The following PLXNA1 variants were observed in gnomAD, a reference collection of about 807,000 sequenced individuals.
PLXNA1 encodes plexin-A1.
Under a neutral mutation model 191.7 loss-of-function variants are expected in PLXNA1, and 77 were observed. The ratio of observed to expected loss-of-function variants is 0.40; its 90% CI spans 0.33 to 0.49. PLXNA1 has a LOEUF of 0.49. Among genes scored for constraint, PLXNA1 ranks in the 20% least tolerant of loss-of-function variants. The probability of loss-of-function intolerance (pLI) is 0.63; values close to 1 mark genes in which losing one functional copy is unlikely to be tolerated. For missense variants in PLXNA1, 2,110 were observed against 2,660.2 expected (o/e 0.79, Z 4.55); for synonymous variants, 1,137 against 1,156.4 (o/e 0.98, Z 0.34).
Position 127,033,678 on chromosome 3 carries a change from G to C in PLXNA1, c.5596-244G>C, listed in dbSNP as rs570371920. On this transcript the variant is annotated intron_variant, in intron 31 of 31. Coordinates refer to ENST00000393409, the MANE Select transcript of PLXNA1 (RefSeq NM_032242.4). ...AGGACTGGGTGGGGACATGTCAGCAGCATGGCCAGGCAGCCAAGGGATCAG... is the reference window on the plus strand; with the variant it reads ...AGGACTGGGTGGGGACATGTCAGCACCATGGCCAGGCAGCCAAGGGATCAG... 2.6e-5 allele frequency among the ~76,000 whole-genome samples: 4 copies of C among 152,266 alleles called. No individual in the cohort carries two copies. The South Asian group carries it at 8.3e-4, about 32-fold the overall frequency.
At chr3:127,018,658 G>A (rs2079137982) in intron 20 of PLXNA1, 130 bp downstream of exon 20, 5 of 758,484 alleles carry the variant, frequency 6.6e-6, no homozygotes, top group East Asian at 5.4e-5. Context: ...TGATAGCCTT[G>A]CTGTGCCAGA....
At chr3:127,012,416 G>A (rs1268239905) in intron 10 of PLXNA1, among the ~76,000 whole-genome samples, 1 of 152,246 alleles carries the variant, frequency 6.6e-6, no homozygotes, top group Non-Finnish European at 1.5e-5. Flanking sequence ...TGTGTGGTGG[G>A]AGCAGCCTGA....
At chr3:127,005,969 A>T in intron 7 of PLXNA1, 110 bp from the exon 8 acceptor site, 1 of 802,872 alleles carries the variant, frequency 1.2e-6, no homozygotes, top group South Asian at 1.4e-5. Flanking sequence ...GATGCGACTG[A>T]TGGTGGCAGC....
intron 3 of PLXNA1, among the ~76,000 whole-genome samples, chr3:126,995,207 C>G (rs995222556): frequency 2.0e-4 from 30 of 152,288 alleles, no homozygotes; most frequent in African/African-American, 7.2e-4. Context: ...CCCCTCCTTT[C>G]ACCAGAGCCC....
At position 126,988,824 on chromosome 3, in the gene PLXNA1, C is replaced by T; in HGVS notation, c.231C>T (p.Asn77=). ...ACCGCATCTATAAGCTGTCGGGGAA[C>T]CTGACACTGCTGCGGGCCCACGTCA... ...AVNRIYKLSG[N]LTLLRAHVTG... Residue 77 remains asparagine (N), a synonymous_variant, in exon 2 of 32, where the codon AAC becomes AAT. Coordinates refer to ENST00000393409, the MANE Select transcript of PLXNA1 (RefSeq NM_032242.4). The T allele has an allele frequency of 1.2e-6, 2 of 1,613,384 alleles. No homozygotes were observed. Among genetic ancestry groups the T allele is most frequent in the Non-Finnish European group, 8.5e-7 (1 of 1,179,942 alleles).
intron 2 of PLXNA1, among the ~76,000 whole-genome samples, chr3:126,991,110 G>A (rs889740897): frequency 5.9e-5 from 9 of 152,282 alleles, no homozygotes; most frequent in South Asian, 2.1e-4. Context: ...TAGGCCTGGC[G>A]GTGGAGCAGC....
rs757084965 is a variant in PLXNA1, at chr3:127,029,922, C to T, written c.4919C>T (p.Thr1640Met). Residue 1640 changes from threonine to methionine, a missense_variant, in exon 28 of 32, where the codon ACG (threonine) becomes ATG (methionine). Thr to Met is a moderately conservative substitution (Grantham distance 81). Coordinates refer to ENST00000393409, the MANE Select transcript of PLXNA1 (RefSeq NM_032242.4). Reference sequence around the variant, plus strand: ...AGCCCCGACAGCCTGCGCTCGCGCACGCCCATGATCACGCCCGACCTGGAG... The same window carrying T: ...AGCCCCGACAGCCTGCGCTCGCGCATGCCCATGATCACGCCCGACCTGGAG... ...ASSPDSLRSRTPMITPDLESG... is the reference protein window; with the variant it reads ...ASSPDSLRSRMPMITPDLESG... The T allele has an allele frequency of 5.0e-6, 8 of 1,613,324 alleles. No individual in the cohort carries two copies. The highest frequency in any genetic ancestry group is 1.7e-4 in the Middle Eastern group (1 of 6,060).
chr3:127,014,118 T>A lies in PLXNA1; in HGVS notation c.2410+2T>A, dbSNP rs1360098096. The A allele has an allele frequency of 6.2e-7, 1 of 1,613,582 alleles. No homozygotes were observed. Among genetic ancestry groups the A allele is most frequent in the South Asian group, 1.1e-5 (1 of 91,074 alleles). On this transcript the variant is annotated splice_donor_variant, in intron 11 of 31. Transcript: ENST00000393409. LOFTEE classifies it high-confidence loss of function. ...TTGACAACCCACAGAACATCCAGGG[T>A]GAGTGGGCGCCCCGGCGGGGTGGGC... is the stretch of plus-strand genomic sequence containing the variant.
chr3:126,984,440 C>T (rs1373979073), intron 1 of PLXNA1, among the ~76,000 whole-genome samples: 7 of 152,224 alleles, frequency 4.6e-5, no homozygotes, highest in Admixed American at 4.6e-4. Context: ...TTCTGCTCCC[C>T]GGGCCCTTGA....
chr3:126,989,827 C>G (rs1194128829), intron 2 of PLXNA1, 40 bp downstream of exon 2: 3 of 1,519,522 alleles, frequency 2.0e-6, no homozygotes, highest in Non-Finnish European at 2.7e-6. Flanking sequence ...GCGGCCCCAT[C>G]CCCTCCAGGG....
chr3:127,024,403 C>T (rs543091934), intron 23 of PLXNA1, among the ~76,000 whole-genome samples: 11 of 152,196 alleles, frequency 7.2e-5, no homozygotes, highest in South Asian at 4.2e-4. Context: ...CATGGAGAGC[C>T]GGGGACATTT....
chr3:127,021,642 A>G (rs2079152632), intron 21 of PLXNA1, among the ~76,000 whole-genome samples: 1 of 152,136 alleles, frequency 6.6e-6, no homozygotes, highest in Non-Finnish European at 1.5e-5. Context: ...CACTCCTGGT[A>G]CCCAGTGGAT....
In PLXNA1 at chr3:127,003,426, C is replaced by T. The variant is rs376199345; in HGVS notation, c.1474C>T (p.Leu492Phe). ...CAGCCCCATCCTGCGAGACCTCGTC[C>T]TCAGCCCCAACCACCAGTACCTCTA... ...EGSPILRDLV[L>F]SPNHQYLYAM... Residue 492 changes from leucine to phenylalanine, a missense_variant, in exon 4 of 32, where the codon CTC (leucine) becomes TTC (phenylalanine). This residue lies in a region of PLXNA1 where 903 missense variants were observed against 1,015.7 expected (regional missense o/e 0.89). Transcript: ENST00000393409. 6.2e-6 allele frequency: 10 copies of T among 1,611,806 alleles called. No homozygotes were observed. Among genetic ancestry groups the T allele is most frequent in the Admixed American group, 1.7e-5 (1 of 59,916 alleles).
chr3:127,001,987 G>T (rs537997874), intron 3 of PLXNA1, among the ~76,000 whole-genome samples: 1 of 152,364 alleles, frequency 6.6e-6, no homozygotes, highest in Non-Finnish European at 1.5e-5. Context: ...CCTTGGGCCA[G>T]TGGTCATCTT....
chr3:127,004,727 T>G lies in PLXNA1; in HGVS notation c.1619+16T>G, dbSNP rs2079057087. The G allele has an allele frequency of 1.1e-5, 17 of 1,583,996 alleles. No individual in the cohort carries two copies. The highest frequency in any genetic ancestry group is 1.5e-5 in the Non-Finnish European group (17 of 1,164,744). ...TGCACAGCATGTGAGTCTGGGCAGG[T>G]GGGCAGGGGCAGGCGGGGAGGGCCA... is the stretch of plus-strand genomic sequence containing the variant. On this transcript the variant is annotated intron_variant, in intron 5 of 31. Coordinates refer to ENST00000393409, the MANE Select transcript of PLXNA1 (RefSeq NM_032242.4).
chr3:126,994,613 C>A (rs2079006313), intron 3 of PLXNA1, among the ~76,000 whole-genome samples: 1 of 152,156 alleles, frequency 6.6e-6, no homozygotes, highest in African/African-American at 2.4e-5. Context: ...TGGCCTTGCT[C>A]CACTGTGAAG....
At chr3:126,987,599 G>A (rs541224784) in intron 1 of PLXNA1, among the ~76,000 whole-genome samples, 56 of 152,342 alleles carry the variant, frequency 3.7e-4, no homozygotes, top group Admixed American at 7.8e-4. Context: ...TGCTGAGGCT[G>A]GGAAGGGGTC....
chr3:127,019,615 A>T (rs1323614494), intron 20 of PLXNA1, among the ~76,000 whole-genome samples: 1 of 152,240 alleles, frequency 6.6e-6, no homozygotes, highest in African/African-American at 2.4e-5. Context: ...GATGTCCCCC[A>T]GAGCCTGCCT....
At chr3:126,992,293 G>T (rs1437614498) in intron 3 of PLXNA1, among the ~76,000 whole-genome samples, 1 of 152,094 alleles carries the variant, frequency 6.6e-6, no homozygotes, top group Non-Finnish European at 1.5e-5. Flanking sequence ...GGAAGCTCCC[G>T]GAGAGACTGA....
Sources: allele counts gnomAD v4.1 joint callset (sites outside exome capture counted in the v4.1 genomes callset), GRCh38; gene constraint gnomAD v4.1.1; regional missense constraint gnomAD v4.1.1; transcripts MANE v1.5; gene names NCBI Gene and HGNC (gene_info 2026-07-23, HGNC 2026-07-21).